Variants in TBC1D22A observed in about 807,000 individuals in gnomAD.
TBC1D22A encodes putative GTPase activator.
Under a neutral mutation model 60.2 loss-of-function variants are expected in TBC1D22A, and 38 were observed. That is an observed-to-expected ratio of 0.63 (90% CI 0.49 to 0.83). The LOEUF (loss-of-function observed/expected upper bound fraction) is 0.83. Ranked by LOEUF, TBC1D22A falls within the 40% of genes least tolerant of loss-of-function variation. The pLI is 0.00. For missense variants in TBC1D22A, 628 were observed against 701.0 expected, an observed-to-expected ratio of 0.90 and a Z score of 1.18; for synonymous variants, 302 against 281.7, an observed-to-expected ratio of 1.07 and a Z score of -0.72.
At chr22:47,147,488 AACAC>A (rs2067327643) in intron 12 of TBC1D22A, among the ~76,000 whole-genome samples, 2 of 152,272 alleles carry the variant, frequency 1.3e-5, no homozygotes, top group African/African-American at 4.8e-5. Flanking sequence ...GCGGTCCTCC[AACAC>A]ACACACGTTC....
intron 8 of TBC1D22A, among the ~76,000 whole-genome samples, chr22:46,951,407 C>T (rs549512075): frequency 2.0e-4 from 31 of 152,230 alleles, no homozygotes; most frequent in Admixed American, 1.2e-3. Context: ...CAGTCAGTTT[C>T]GCGATTCATG....
intron 4 of TBC1D22A, among the ~76,000 whole-genome samples, chr22:46,852,968 A>T (rs546617180): frequency 6.6e-6 from 1 of 152,146 alleles, no homozygotes; most frequent in African/African-American, 2.4e-5. Flanking sequence ...GTGGGACTGG[A>T]CGACAGTCCA....
At position 46,777,778 on chromosome 22, in the gene TBC1D22A, CG is replaced by C. The variant is rs1468296327; in HGVS notation, c.63-14740del. 6.6e-6 allele frequency among the ~76,000 whole-genome samples: 1 copy of C among 152,154 alleles called. No homozygotes were observed. Among genetic ancestry groups the C allele is most frequent in the African/African-American group, 2.4e-5 (1 of 41,422 alleles). On this transcript the variant is annotated intron_variant, in intron 1 of 12. Transcript: ENST00000337137. This position sits in a 1 kb window ranked among gnomAD's most constrained non-coding sequence, Gnocchi z 4.5. ...CGGTGATGGCTGGCTGCCAGGGTGG[CG>C]GAGCCGCTCCGAAAGTCATGCATCA...
At chr22:46,909,824 C>T (rs1453874223) in intron 7 of TBC1D22A, among the ~76,000 whole-genome samples, 3 of 152,186 alleles carry the variant, frequency 2.0e-5, no homozygotes, top group South Asian at 2.1e-4. Flanking sequence ...CTTCTAGTCA[C>T]ACGCCGTCCC....
At chr22:47,125,770 G>T (rs1238383416) in intron 12 of TBC1D22A, among the ~76,000 whole-genome samples, 1 of 152,162 alleles carries the variant, frequency 6.6e-6, no homozygotes, top group African/African-American at 2.4e-5. Flanking sequence ...CTTGCCAAGG[G>T]CCCCCTACCG....
chr22:46,858,548 C>A (rs888815711), intron 4 of TBC1D22A, among the ~76,000 whole-genome samples: 1 of 152,186 alleles, frequency 6.6e-6, no homozygotes, highest in Non-Finnish European at 1.5e-5. Context: ...GAAGTAGTCG[C>A]GGGAACGCAT....
intron 8 of TBC1D22A, among the ~76,000 whole-genome samples, chr22:46,944,610 G>A (rs1388923697): frequency 1.3e-5 from 2 of 152,188 alleles, no homozygotes; most frequent in African/African-American, 2.4e-5. Flanking sequence ...GTGTTAGCCA[G>A]GATGGTCTTG....
intron 4 of TBC1D22A, among the ~76,000 whole-genome samples, chr22:46,806,190 G>A (rs920713522): frequency 6.6e-6 from 1 of 152,104 alleles, no homozygotes; most frequent in African/African-American, 2.4e-5. Context: ...GCTCAGTGCC[G>A]AGCGCTGTGT....
intron 8 of TBC1D22A, among the ~76,000 whole-genome samples, chr22:46,920,748 AT>A (rs1569224078): frequency 1.3e-5 from 2 of 150,004 alleles, no homozygotes; most frequent in Admixed American, 1.3e-4. Flanking sequence ...ATTTTTATTT[AT>A]TTTTTGAAGT....
At chr22:46,834,278 C>T (rs538272181) in intron 4 of TBC1D22A, among the ~76,000 whole-genome samples, 34 of 152,130 alleles carry the variant, frequency 2.2e-4, no homozygotes, top group African/African-American at 5.8e-4. Flanking sequence ...CAGCCCTCAT[C>T]CCCCCCAGCA....
intron 1 of TBC1D22A, among the ~76,000 whole-genome samples, chr22:46,773,678 G>T (rs2083582953): frequency 6.6e-6 from 1 of 152,076 alleles, no homozygotes; most frequent in Non-Finnish European, 1.5e-5. Context: ...CACCGTGTTG[G>T]CCAGGCTGGT....
intron 12 of TBC1D22A, among the ~76,000 whole-genome samples, chr22:47,143,036 T>C (rs972162372): frequency 6.6e-6 from 1 of 151,960 alleles, no homozygotes; most frequent in Non-Finnish European, 1.5e-5. Context: ...TGAAGGTGAC[T>C]GCCTGGTGGA....
chr22:46,904,142 T>TCTATCTATCTACCTAC (rs57116517), intron 7 of TBC1D22A, among the ~76,000 whole-genome samples: 16 of 134,574 alleles, frequency 1.2e-4, no homozygotes, highest in East Asian at 8.8e-4. Flanking sequence ...TATCTATCTA[T>TCTATCTATCTACCTAC]CTACCTACCT....
At chr22:47,074,340 A>C (rs993590181) in intron 11 of TBC1D22A, among the ~76,000 whole-genome samples, 3 of 152,244 alleles carry the variant, frequency 2.0e-5, no homozygotes, top group African/African-American at 7.2e-5. Context: ...ATGTGTGTCA[A>C]CACATCTATT....
intron 1 of TBC1D22A, among the ~76,000 whole-genome samples, chr22:46,770,971 G>T (rs907727652): frequency 6.6e-6 from 1 of 152,160 alleles, no homozygotes; most frequent in African/African-American, 2.4e-5. Context: ...GAGCTGGTGG[G>T]TGAGATTTTG....
intron 11 of TBC1D22A, among the ~76,000 whole-genome samples, chr22:47,049,032 G>T (rs2063118066): frequency 6.6e-6 from 1 of 152,240 alleles, no homozygotes; most frequent in Admixed American, 6.5e-5. Flanking sequence ...CCCCAGCATG[G>T]AGAGTATTCT....
chr22:46,992,837 G>A (rs543498839), intron 9 of TBC1D22A, among the ~76,000 whole-genome samples: 3 of 140,074 alleles, frequency 2.1e-5, no homozygotes, highest in Admixed American at 7.0e-5. Flanking sequence ...AGGGGCCCCC[G>A]AGAGGATGTG....
At chr22:47,092,201 C>G (rs745477027) in intron 11 of TBC1D22A, among the ~76,000 whole-genome samples, 1 of 152,174 alleles carries the variant, frequency 6.6e-6, no homozygotes, top group Non-Finnish European at 1.5e-5. Flanking sequence ...GCGCCTTACC[C>G]TGGCCTCAGG....
chr22:46,807,629 T>G (rs1343388518), intron 4 of TBC1D22A, among the ~76,000 whole-genome samples: 1 of 152,088 alleles, frequency 6.6e-6, no homozygotes, highest in Admixed American at 6.6e-5. Context: ...ATATGATGAG[T>G]AGGGCGGCAG....
Sources: allele counts gnomAD v4.1 joint callset (sites outside exome capture counted in the v4.1 genomes callset), GRCh38; gene constraint gnomAD v4.1.1; non-coding constraint Gnocchi (gnomAD v3.1); transcripts MANE v1.5; gene names NCBI Gene and HGNC (gene_info 2026-07-23, HGNC 2026-07-21).